PALLD: variants seen among roughly 807,000 people sequenced by gnomAD.
The protein encoded by PALLD is palladin, cytoskeletal associated protein, also known as palladin.
A neutral mutation model predicts 123.5 loss-of-function variants in PALLD; 61 were observed. The ratio of observed to expected loss-of-function variants is 0.49; its 90% confidence interval spans 0.40 to 0.61. The LOEUF (loss-of-function observed/expected upper bound fraction) is 0.61, where lower values mean the gene tolerates loss of function less well. Ranked by LOEUF, PALLD falls within the 20% of genes least tolerant of loss-of-function variation. The pLI, the probability that PALLD is intolerant of heterozygous loss-of-function variation, is 0.00. For missense variants in PALLD, 1,273 were observed against 1,377.0 expected, an observed-to-expected ratio of 0.92 and a Z score of 1.20; for synonymous variants, 465 against 496.4, an observed-to-expected ratio of 0.94 and a Z score of 0.84.
chr4:168,907,642 T>G (rs1355870352), intron 15 of PALLD, among the ~76,000 whole-genome samples: 1 of 152,124 alleles, frequency 6.6e-6, no homozygotes, highest in African/African-American at 2.4e-5. Flanking sequence ...CTGCCCTTAT[T>G]CCAGGCCCCA....
At chr4:168,631,416 A>G (rs958341921) in intron 2 of PALLD, among the ~76,000 whole-genome samples, 1 of 152,238 alleles carries the variant, frequency 6.6e-6, no homozygotes, top group Admixed American at 6.5e-5. Context: ...CGCCGGTGGA[A>G]CTTGCCTGTT....
intron 1 of PALLD, among the ~76,000 whole-genome samples, chr4:168,499,269 AGGATGGGAGGGAGGATGGGAG>A (rs1761101425): frequency 3.2e-5 from 1 of 31,406 alleles, no homozygotes; most frequent in Admixed American, 3.3e-4. Flanking sequence ...GAAGGGAGGG[AGGATGGGAGGGAGGATGGGAG>A]GGAGGATGGG....
intron 2 of PALLD, among the ~76,000 whole-genome samples, chr4:168,638,826 G>A (rs531350421): frequency 1.3e-5 from 2 of 152,130 alleles, no homozygotes; most frequent in South Asian, 4.2e-4. Context: ...AATTTGGGAG[G>A]GGGGGCGGGC....
At chr4:168,892,405 A>G (rs536379047) in intron 11 of PALLD, among the ~76,000 whole-genome samples, 7 of 152,344 alleles carry the variant, frequency 4.6e-5, no homozygotes, top group Admixed American at 4.6e-4. Context: ...TCAAACATTG[A>G]TAAGTAAAAC....
chr4:168,825,745 C>A, intron 10 of PALLD, among the ~76,000 whole-genome samples: 1 of 152,138 alleles, frequency 6.6e-6, no homozygotes, highest in East Asian at 1.9e-4. Flanking sequence ...TCCTGTATTT[C>A]TGCGAGCAAC....
chr4:168,823,986 GCTTGTA>G (rs1215195700), intron 10 of PALLD, among the ~76,000 whole-genome samples: 3 of 152,218 alleles, frequency 2.0e-5, no homozygotes, highest in African/African-American at 7.2e-5. Context: ...GTTATGTCAA[GCTTGTA>G]CTTGTACCAC....
At position 168,694,735 on chromosome 4, in the gene PALLD, G is replaced by A. The variant is rs114116850; in HGVS notation, c.1501+3443G>A. 5.9e-3 allele frequency among the ~76,000 whole-genome samples: 903 copies of A among 152,310 alleles called. 10 individuals are homozygous for A. Among genetic ancestry groups the A allele is most frequent in the East Asian group, 0.025 (131 of 5,188 alleles). ...AACAGGTTTTTCTTGTCACTGCTGCGTCGTATCTGTCTGATGTGTTTTACA... is the reference window on the plus strand; with the variant it reads ...AACAGGTTTTTCTTGTCACTGCTGCATCGTATCTGTCTGATGTGTTTTACA... On this transcript the variant is annotated intron_variant, in intron 8 of 21. Transcript: ENST00000505667.
chr4:168,896,911 A>G (rs746076513), intron 13 of PALLD, among the ~76,000 whole-genome samples: 1 of 152,030 alleles, frequency 6.6e-6, no homozygotes, highest in African/African-American at 2.4e-5. Flanking sequence ...GGCTCACTGC[A>G]ACCTCTGTCT....
chr4:168,653,228 G>A (rs1778224739), intron 2 of PALLD, among the ~76,000 whole-genome samples: 1 of 151,958 alleles, frequency 6.6e-6, no homozygotes, highest in Non-Finnish European at 1.5e-5. Context: ...ACCTAACATA[G>A]TACCCAGACA....
chr4:168,593,719 G>C (rs1025463830), intron 2 of PALLD, among the ~76,000 whole-genome samples: 2 of 152,146 alleles, frequency 1.3e-5, no homozygotes, highest in Non-Finnish European at 2.9e-5. Flanking sequence ...TGTACTTGAC[G>C]GTCAGATGTT....
At chr4:168,733,929 G>A (rs967275373) in intron 10 of PALLD, among the ~76,000 whole-genome samples, 1 of 152,166 alleles carries the variant, frequency 6.6e-6, no homozygotes, top group African/African-American at 2.4e-5. Flanking sequence ...TAGAGACGGG[G>A]TTTCACCATG....
chr4:168,603,461 T>A (rs917485099), intron 2 of PALLD, among the ~76,000 whole-genome samples: 1 of 152,244 alleles, frequency 6.6e-6, no homozygotes, highest in African/African-American at 2.4e-5. Flanking sequence ...TAATTATGAA[T>A]GTATAATTTT....
At chr4:168,712,193 A>G (rs1269491431) in intron 10 of PALLD, 8 of 538,666 alleles carry the variant, frequency 1.5e-5, no homozygotes, top group Non-Finnish European at 6.6e-6. Flanking sequence ...CTTCCAACAT[A>G]CAGCTAAGGA....
intron 10 of PALLD, among the ~76,000 whole-genome samples, chr4:168,876,896 T>C (rs1751821919): frequency 6.6e-6 from 1 of 152,234 alleles, no homozygotes; most frequent in South Asian, 2.1e-4. Context: ...CAGCAAAGTT[T>C]TTGAGTAAAA....
chr4:168,917,274 T>C (rs1216062280), intron 17 of PALLD, among the ~76,000 whole-genome samples: 5 of 151,966 alleles, frequency 3.3e-5, no homozygotes, highest in Non-Finnish European at 7.4e-5. Flanking sequence ...GGTCTCAAAC[T>C]CCTGACCTCG....
intron 2 of PALLD, among the ~76,000 whole-genome samples, chr4:168,603,404 C>T (rs1425723037): frequency 6.6e-6 from 1 of 152,162 alleles, no homozygotes; most frequent in African/African-American, 2.4e-5. Context: ...CCTTAGTAGA[C>T]TTGCAGAAGA....
chr4:168,759,449 T>A (rs1272554370), intron 10 of PALLD, among the ~76,000 whole-genome samples: 1 of 151,650 alleles, frequency 6.6e-6, no homozygotes, highest in Non-Finnish European at 1.5e-5. Flanking sequence ...CACTCACCTA[T>A]TCAAGGAAAC....
intron 18 of PALLD, among the ~76,000 whole-genome samples, chr4:168,922,763 T>C (rs1170123114): frequency 6.6e-6 from 1 of 152,206 alleles, no homozygotes; most frequent in African/African-American, 2.4e-5. Flanking sequence ...ATTGATTTCA[T>C]TCCTCTAACC....
At chr4:168,630,829 C>T (rs1025321302) in intron 2 of PALLD, among the ~76,000 whole-genome samples, 1 of 152,132 alleles carries the variant, frequency 6.6e-6, no homozygotes, top group African/African-American at 2.4e-5. Flanking sequence ...CACTGTCTGC[C>T]AGGGGCTTTA....
Sources: gnomAD v4.1 joint callset for allele counts (sites outside exome capture counted in the v4.1 genomes callset) on GRCh38, gnomAD v4.1.1 for gene constraint, MANE v1.5 for transcripts, NCBI Gene and HGNC (gene_info 2026-07-23, HGNC 2026-07-21) for gene names.